Variants in SLC5A11 observed in about 807,000 individuals in gnomAD.
The protein encoded by SLC5A11 is solute carrier family 5 member 11.
Under a neutral mutation model 69.8 loss-of-function variants are expected in SLC5A11, and 48 were observed. That is an observed-to-expected ratio of 0.69 (90% CI 0.55 to 0.87). SLC5A11 has a LOEUF of 0.87. Ranked by LOEUF, SLC5A11 falls within the 40% of genes least tolerant of loss-of-function variation. The pLI is 0.00. For missense variants in SLC5A11, 784 were observed against 866.1 expected, an observed-to-expected ratio of 0.91 and a Z score of 1.19; for synonymous variants, 319 against 342.4, an observed-to-expected ratio of 0.93 and a Z score of 0.75.
intron 6 of SLC5A11, among the ~76,000 whole-genome samples, chr16:24,876,537 A>G (rs1178598047): frequency 6.6e-6 from 1 of 152,154 alleles, no homozygotes; most frequent in Non-Finnish European, 1.5e-5. Flanking sequence ...GCTTCCAGCC[A>G]GGGAGGAGGG....
chr16:24,905,634 GCGCGCGCACACACACACA>G (rs1040255720), intron 10 of SLC5A11, among the ~76,000 whole-genome samples: 3 of 76,840 alleles, frequency 3.9e-5, no homozygotes, highest in Non-Finnish European at 9.2e-5. Flanking sequence ...AAACACGCGC[GCGCGCGCACACACACACA>G]CACACACACA....
At chr16:24,882,998 C>T (rs139788510) in intron 7 of SLC5A11, among the ~76,000 whole-genome samples, 200 of 152,278 alleles carry the variant, frequency 1.3e-3, no homozygotes, top group African/African-American at 4.6e-3. Flanking sequence ...TCTGAGGCAC[C>T]ATCACGATCC....
chr16:24,907,060 G>A, exon 12 of SLC5A11: 2 of 1,614,114 alleles, frequency 1.2e-6, no homozygotes. Context: ...GATGGTGGCG[G>A]CTCTCATGTC....
intron 15 of SLC5A11, among the ~76,000 whole-genome samples, chr16:24,911,027 G>A (rs2050477585): frequency 6.6e-6 from 1 of 151,796 alleles, no homozygotes; most frequent in Admixed American, 6.6e-5. Context: ...AAATTAGCCG[G>A]GCATGGTAGC....
chr16:24,889,543 A>ATTTTTTTT lies in SLC5A11; in HGVS notation c.665-1306_665-1299dup, dbSNP rs71156454. 5.0e-4 allele frequency among the ~76,000 whole-genome samples: 37 copies of ATTTTTTTT among 74,346 alleles called. 4 individuals carry two copies. Among genetic ancestry groups the ATTTTTTTT allele is most frequent in the African/African-American group, 2.0e-3 (36 of 18,142 alleles). 48.8% of individuals were successfully genotyped at this position (74,346 alleles called of 152,430 possible). ...ATTAGACCTACTACAAGGTCTTACA[A>ATTTTTTTT]TTTTTTTTTTTTTTTTTTTTTTTTT... On this transcript the variant is annotated intron_variant, in intron 8 of 15. Coordinates refer to ENST00000347898, the Ensembl canonical transcript of SLC5A11.
intron 7 of SLC5A11, among the ~76,000 whole-genome samples, chr16:24,877,577 C>T (rs982133731): frequency 1.2e-4 from 18 of 152,324 alleles, no homozygotes; most frequent in Non-Finnish European, 2.6e-4. Flanking sequence ...AGGTTGGGCT[C>T]GGTGGCTCAT....
chr16:24,864,290 G>A (rs1451095492), intron 3 of SLC5A11, among the ~76,000 whole-genome samples: 12 of 152,198 alleles, frequency 7.9e-5, no homozygotes, highest in African/African-American at 2.9e-4. Flanking sequence ...AGAGTTATAA[G>A]CTGGGAGAAT....
At chr16:24,872,277 C>T (rs548008332) in intron 5 of SLC5A11, 58 bp downstream of exon 6, 25 of 1,583,258 alleles carry the variant, frequency 1.6e-5, no homozygotes, top group African/African-American at 1.3e-4. Context: ...GAATCTCAGC[C>T]CTGCAGTCCC....
At chr16:24,858,628 G>C in exon 2 of SLC5A11, 2 of 1,598,646 alleles carry the variant, frequency 1.3e-6, no homozygotes, top group South Asian at 1.1e-5. Context: ...AGGATCCAGA[G>C]GTCTCGTTCA....
chr16:24,910,674 T>A (rs918780736), intron 15 of SLC5A11, among the ~76,000 whole-genome samples, 197 bp downstream of exon 16: 2 of 152,064 alleles, frequency 1.3e-5, no homozygotes, highest in Admixed American at 1.3e-4. Flanking sequence ...ACAAGCTTCC[T>A]ACGGGCACTA....
chr16:24,852,444 A>G (rs1389174434), intron 1 of SLC5A11, among the ~76,000 whole-genome samples: 8 of 152,188 alleles, frequency 5.3e-5, no homozygotes, highest in African/African-American at 1.9e-4. Context: ...GCATTGGCCA[A>G]TAGGCGACCT....
intron 11 of SLC5A11, 40 bp downstream of exon 12, chr16:24,906,804 C>G (rs1384227735): frequency 6.5e-7 from 1 of 1,548,058 alleles, no homozygotes; most frequent in East Asian, 2.2e-5. Context: ...CCCTGGAGCA[C>G]CCAGAAAGGA....
Position 24,896,942 on chromosome 16 carries a change from C to CTTT in SLC5A11, c.871-1006_871-1004dup, listed in dbSNP as rs869210839. On this transcript the variant is annotated intron_variant, in intron 9 of 15. Transcript: ENST00000347898. ...CACCAGGAGTTAGACAACCTCCTTC[C>CTTT]TTTTTTTTTTTTTTTTTTTTTTTTT... Among the ~76,000 whole-genome samples the CTTT allele has an allele frequency of 6.3e-4, 61 of 97,104 alleles. 6 individuals are homozygous for CTTT. The highest frequency in any genetic ancestry group is 2.1e-3 in the African/African-American group (41 of 19,950). The allele number at this position is 97,104 out of a possible 152,430, so 63.7% of individuals were successfully genotyped here.
At chr16:24,856,642 G>A (rs2152238360) in intron 1 of SLC5A11, among the ~76,000 whole-genome samples, 1 of 148,722 alleles carries the variant, frequency 6.7e-6, no homozygotes, top group East Asian at 2.0e-4. Context: ...GTGGTGGTGG[G>A]CGCCTGTAGT....
At chr16:24,900,555 A>T (rs2049506904) in intron 10 of SLC5A11, among the ~76,000 whole-genome samples, 1 of 152,146 alleles carries the variant, frequency 6.6e-6, no homozygotes, top group Admixed American at 6.6e-5. Flanking sequence ...AAGAACTGGG[A>T]TCTGGGTTTT....
chr16:24,852,232 A>G (rs973518015), intron 1 of SLC5A11, among the ~76,000 whole-genome samples: 1 of 152,172 alleles, frequency 6.6e-6, no homozygotes, highest in Non-Finnish European at 1.5e-5. Flanking sequence ...TAAGGCATGA[A>G]ATGCGGCAAA....
At chr16:24,884,109 A>G in exon 8 of SLC5A11, 1 of 1,613,966 alleles carries the variant, frequency 6.2e-7, no homozygotes, top group Non-Finnish European at 8.5e-7. Context: ...TGCTTATAGG[A>G]GCGCTCACCT....
intron 1 of SLC5A11, among the ~76,000 whole-genome samples, chr16:24,849,433 G>A (rs980983837): frequency 5.3e-5 from 8 of 151,246 alleles, no homozygotes; most frequent in African/African-American, 1.9e-4. Flanking sequence ...CAGGCGTGGT[G>A]ACACATGCCT....
intron 9 of SLC5A11, among the ~76,000 whole-genome samples, chr16:24,894,246 C>T (rs898951647): frequency 6.6e-6 from 1 of 152,162 alleles, no homozygotes; most frequent in Non-Finnish European, 1.5e-5. Flanking sequence ...AACCCACCCC[C>T]AGCTGCATTT....
Sources: allele counts gnomAD v4.1 joint callset (sites outside exome capture counted in the v4.1 genomes callset), GRCh38; gene constraint gnomAD v4.1.1; transcripts MANE v1.5; gene names NCBI Gene and HGNC (gene_info 2026-07-23, HGNC 2026-07-21).